Variants in CACNA1E observed in about 807,000 individuals in gnomAD.
The protein encoded by CACNA1E is voltage-dependent R-type calcium channel subunit alpha-1E.
CACNA1E carries 40 observed loss-of-function variants against 259.2 expected under a neutral mutation model. The observed-to-expected ratio is 0.15, with a 90% CI of 0.12 to 0.20. The LOEUF is 0.20. Ranked by LOEUF, CACNA1E falls within the 10% of genes least tolerant of loss-of-function variation. The pLI is 1.00. For missense variants in CACNA1E, 1,874 were observed against 3,040.1 expected, an observed-to-expected ratio of 0.62 and a Z score of 9.02; for synonymous variants, 1,104 against 1,138.5, an observed-to-expected ratio of 0.97 and a Z score of 0.61.
At chr1:181,329,417 A>G (rs1337705784) in intron 1 of CACNA1E, among the ~76,000 whole-genome samples, 8 of 152,140 alleles carry the variant, frequency 5.3e-5, no homozygotes, top group African/African-American at 1.9e-4. Flanking sequence ...GATCTTAGCC[A>G]TGGTCTCTGT....
intron 1 of CACNA1E, among the ~76,000 whole-genome samples, chr1:181,342,995 C>T (rs1652286056): frequency 6.6e-6 from 1 of 151,982 alleles, no homozygotes; most frequent in Non-Finnish European, 1.5e-5. Flanking sequence ...TAGTGGGCTG[C>T]CAAAATCACA....
At chr1:181,792,383 G>A (rs1296558051) in intron 44 of CACNA1E, among the ~76,000 whole-genome samples, 4 of 152,118 alleles carry the variant, frequency 2.6e-5, no homozygotes, top group Non-Finnish European at 5.9e-5. Flanking sequence ...CCCATCCCTC[G>A]GGGCTGCTGC....
chr1:181,534,100 C>G (rs190581256), intron 3 of CACNA1E, among the ~76,000 whole-genome samples: 1 of 151,886 alleles, frequency 6.6e-6, no homozygotes, highest in East Asian at 1.9e-4. Flanking sequence ...TGGGTAATGA[C>G]AGTAATAGAA....
chr1:181,355,750 G>A (rs769668771), intron 1 of CACNA1E, among the ~76,000 whole-genome samples: 1 of 152,194 alleles, frequency 6.6e-6, no homozygotes, highest in Non-Finnish European at 1.5e-5. Flanking sequence ...GCACTGCAAT[G>A]CTTGTTTACA....
At chr1:181,564,405 G>A (rs908394316) in intron 3 of CACNA1E, among the ~76,000 whole-genome samples, 4 of 152,188 alleles carry the variant, frequency 2.6e-5, no homozygotes, top group Admixed American at 1.3e-4. Context: ...ATAAGAAGCA[G>A]TTCTTACTGT....
chr1:181,357,464 T>C (rs1653537996), intron 1 of CACNA1E, among the ~76,000 whole-genome samples: 2 of 152,158 alleles, frequency 1.3e-5, no homozygotes, highest in Non-Finnish European at 1.5e-5. Flanking sequence ...TCCCCTGTTC[T>C]GGGCTACCAC....
intron 6 of CACNA1E, among the ~76,000 whole-genome samples, chr1:181,590,416 AAT>A (rs67459960): frequency 0.22 from 25,296 of 115,284 alleles, 2,499 homozygotes; most frequent in Middle Eastern, 0.29. Flanking sequence ...AAAAAAAAAA[AAT>A]ATATATATAT....
intron 1 of CACNA1E, among the ~76,000 whole-genome samples, chr1:181,352,020 G>T (rs1368735912): frequency 2.0e-5 from 3 of 152,204 alleles, no homozygotes; most frequent in African/African-American, 7.2e-5. Context: ...GCAGCATCTG[G>T]AGTAGATAGT....
intron 7 of CACNA1E, among the ~76,000 whole-genome samples, chr1:181,657,592 T>C (rs1034060642): frequency 1.5e-4 from 23 of 152,106 alleles, no homozygotes; most frequent in African/African-American, 5.6e-4. Flanking sequence ...AATTTTAAAG[T>C]AAAAATATTG....
At chr1:181,432,244 C>G (rs1425161050) in intron 2 of CACNA1E, among the ~76,000 whole-genome samples, 1 of 152,090 alleles carries the variant, frequency 6.6e-6, no homozygotes, top group Non-Finnish European at 1.5e-5. Context: ...AAGAGACCTT[C>G]CTGAAGCCAA....
chr1:181,618,408 A>C (rs999241154), intron 6 of CACNA1E, among the ~76,000 whole-genome samples: 2 of 152,204 alleles, frequency 1.3e-5, no homozygotes, highest in Non-Finnish European at 2.9e-5. Context: ...CTACTAAAAA[A>C]TACAAAATTA....
In CACNA1E at chr1:181,807,609, A is replaced by G. The variant is rs1201205802; in HGVS notation, c.*8775A>G. ...TAGTGTTAATTATTTTAATCTGAGCAACGCTTTTATCAATTAGATAGAAAC... is the reference window on the plus strand; with the variant it reads ...TAGTGTTAATTATTTTAATCTGAGCGACGCTTTTATCAATTAGATAGAAAC... On this transcript the variant is annotated 3_prime_UTR_variant, in exon 48 of 48. Coordinates refer to ENST00000367573, the MANE Select transcript of CACNA1E (RefSeq NM_001205293.3). 1.3e-5 allele frequency: 2 copies of G among 151,846 alleles called. No homozygotes were observed. The highest frequency in any genetic ancestry group is 2.9e-5 in the Non-Finnish European group (2 of 67,986). 9.4% of individuals were successfully genotyped at this position (151,846 alleles called of 1,614,324 possible).
chr1:181,507,722 C>A (rs1202422861), intron 1 of CACNA1E, among the ~76,000 whole-genome samples: 1 of 152,138 alleles, frequency 6.6e-6, no homozygotes, highest in African/African-American at 2.4e-5. Context: ...TTCAACCCCC[C>A]AAAACAATCA....
At chr1:181,563,493 T>A (rs963864885) in intron 3 of CACNA1E, among the ~76,000 whole-genome samples, 1 of 152,000 alleles carries the variant, frequency 6.6e-6, no homozygotes, top group African/African-American at 2.4e-5. Context: ...ATTGCTTGGG[T>A]TTTTCTTTTC....
intron 6 of CACNA1E, among the ~76,000 whole-genome samples, chr1:181,600,764 A>C (rs959812567): frequency 3.9e-5 from 6 of 152,212 alleles, no homozygotes; most frequent in African/African-American, 1.4e-4. Flanking sequence ...TAGAGATGTC[A>C]TAAGAAGTAA....
Position 181,793,802 on chromosome 1 carries a change from C to T in CACNA1E, c.6027+9C>T. 6.2e-7 allele frequency: 1 copy of T among 1,610,338 alleles called. No individual in the cohort carries two copies. The highest frequency in any genetic ancestry group is 8.5e-7 in the Non-Finnish European group (1 of 1,178,916). On this transcript the variant is annotated intron_variant, in intron 45 of 47. Coordinates refer to ENST00000367573, the MANE Select transcript of CACNA1E (RefSeq NM_001205293.3). The stretch of plus-strand genomic sequence containing the variant: ...TGACTGTGGATCCCCAGGTAAAAAG[C>T]AACCACCTACATTAATGCAGTGGCA...
chr1:181,793,691 C>CT lies in CACNA1E; in HGVS notation c.5925_5926insT (p.Val1976CysfsTer5), dbSNP rs1661527859. 6.2e-7 allele frequency: 1 copy of CT among 1,610,252 alleles called. No individual in the cohort carries two copies. Among genetic ancestry groups the CT allele is most frequent in the Non-Finnish European group, 8.5e-7 (1 of 1,178,898 alleles). On this transcript the variant is annotated frameshift_variant, in exon 45 of 48. Transcript: ENST00000367573. LOFTEE classifies it high-confidence loss of function. ...AGCCAGAGGTTAGTGAATTAAAAAG[C>CT]GTGCAGCCCTCTAACCATGGCATCT...
chr1:181,355,128 C>A (rs1026482087), intron 1 of CACNA1E, among the ~76,000 whole-genome samples: 14 of 152,174 alleles, frequency 9.2e-5, no homozygotes, highest in African/African-American at 3.4e-4. Context: ...CCAGGCGGGG[C>A]CCGTCTGCTT....
chr1:181,650,583 A>T (rs1658667442), intron 6 of CACNA1E, among the ~76,000 whole-genome samples: 1 of 152,176 alleles, frequency 6.6e-6, no homozygotes, highest in African/African-American at 2.4e-5. Context: ...TTCTAATAAG[A>T]TATCCTGCTA....
Sources: allele counts gnomAD v4.1 joint callset (sites outside exome capture counted in the v4.1 genomes callset), GRCh38; gene constraint gnomAD v4.1.1; transcripts MANE v1.5; gene names NCBI Gene and HGNC (gene_info 2026-07-23, HGNC 2026-07-21).